Variants in PTPRD observed in about 807,000 individuals in gnomAD.
The protein encoded by PTPRD is protein tyrosine phosphatase receptor type D.
In PTPRD, 34 loss-of-function variants were observed where a neutral mutation model predicts 214.5. The ratio of observed to expected loss-of-function variants is 0.16; its 90% CI spans 0.12 to 0.21. PTPRD has a LOEUF of 0.21. PTPRD is among the 10% of genes least tolerant of loss of function. PTPRD has a pLI of 1.00. For synonymous variants in PTPRD, 1,128 were observed against 845.7 expected, an observed-to-expected ratio of 1.33 and a Z score of -5.79; for missense variants, 2,545 against 2,398.7, an observed-to-expected ratio of 1.06 and a Z score of -1.27.
chr9:8,498,310 T>C (rs547462825), intron 25 of PTPRD, among the ~76,000 whole-genome samples: 15 of 152,180 alleles, frequency 9.9e-5, no homozygotes, highest in Non-Finnish European at 1.6e-4. Context: ...GCAATCTTCC[T>C]CTGTTGCCAG....
At chr9:8,589,551 T>G (rs1434363035) in intron 14 of PTPRD, among the ~76,000 whole-genome samples, 1 of 152,220 alleles carries the variant, frequency 6.6e-6, no homozygotes, top group Non-Finnish European at 1.5e-5. Context: ...AACAAGATAC[T>G]ACTTGGAGTA....
At chr9:8,769,062 C>A (rs1037030077) in intron 11 of PTPRD, among the ~76,000 whole-genome samples, 19 of 152,018 alleles carry the variant, frequency 1.2e-4, no homozygotes, top group Non-Finnish European at 2.6e-4. Flanking sequence ...TAGCATAACG[C>A]CAACTTTTGT....
At chr9:8,827,533 G>A (rs2097200592) in intron 11 of PTPRD, among the ~76,000 whole-genome samples, 1 of 152,168 alleles carries the variant, frequency 6.6e-6, no homozygotes, top group African/African-American at 2.4e-5. Flanking sequence ...CTTGAACCCA[G>A]GAGGCAGAGG....
At chr9:8,548,564 C>T (rs563902848) in intron 14 of PTPRD, among the ~76,000 whole-genome samples, 3 of 150,388 alleles carry the variant, frequency 2.0e-5, no homozygotes, top group Non-Finnish European at 4.4e-5. Context: ...GATGGGGTTT[C>T]GCCATGTTGG....
intron 39 of PTPRD, among the ~76,000 whole-genome samples, chr9:8,342,993 G>A (rs1023316788): frequency 6.6e-6 from 1 of 152,044 alleles, no homozygotes; most frequent in Non-Finnish European, 1.5e-5. Flanking sequence ...GGCTCTGGGA[G>A]CTACATGTGA....
intron 3 of PTPRD, among the ~76,000 whole-genome samples, chr9:10,297,068 T>A (rs922487047): frequency 1.7e-4 from 26 of 149,276 alleles, no homozygotes; most frequent in African/African-American, 6.4e-4. Flanking sequence ...CCAGGGAACA[T>A]AGAGCACAAA....
intron 5 of PTPRD, among the ~76,000 whole-genome samples, chr9:9,787,318 G>A (rs377566633): frequency 2.0e-5 from 3 of 150,086 alleles, no homozygotes; most frequent in African/African-American, 7.4e-5. Flanking sequence ...CAAAATCTTT[G>A]TCAGCTTCCA....
chr9:9,337,155 G>A (rs973863312), intron 9 of PTPRD, among the ~76,000 whole-genome samples: 8 of 152,124 alleles, frequency 5.3e-5, no homozygotes, highest in African/African-American at 1.4e-4. Flanking sequence ...TTCTGAGAAA[G>A]AAACTATGAA....
intron 9 of PTPRD, among the ~76,000 whole-genome samples, chr9:9,193,465 C>A (rs965823458): frequency 1.3e-5 from 2 of 152,030 alleles, no homozygotes; most frequent in African/African-American, 4.8e-5. Context: ...TGTTGTCAAG[C>A]GATTTTTCAT....
chr9:8,931,344 A>G (rs922990119), intron 11 of PTPRD, among the ~76,000 whole-genome samples: 1 of 152,000 alleles, frequency 6.6e-6, no homozygotes, highest in African/African-American at 2.4e-5. Flanking sequence ...TACCAGTACC[A>G]TGCTGTTTTG....
chr9:9,972,795 C>T (rs1308920349), intron 4 of PTPRD, among the ~76,000 whole-genome samples: 2 of 152,112 alleles, frequency 1.3e-5, no homozygotes, highest in African/African-American at 4.8e-5. Flanking sequence ...CTAGCTTTTG[C>T]TTCCTTTCTC....
chr9:10,235,075 C>A (rs1343119728), intron 3 of PTPRD, among the ~76,000 whole-genome samples: 1 of 151,840 alleles, frequency 6.6e-6, no homozygotes, highest in Non-Finnish European at 1.5e-5. Context: ...TTAAGATCAT[C>A]AATCATTTTA....
chr9:10,354,541 A>G (rs1345759750), intron 2 of PTPRD, among the ~76,000 whole-genome samples: 1 of 152,166 alleles, frequency 6.6e-6, no homozygotes, highest in East Asian at 1.9e-4. Context: ...ATTTGCCCCT[A>G]GAGATTTTCC....
In PTPRD at chr9:9,709,309, T is replaced by C. The variant is rs371374421; in HGVS notation, c.-287+25224A>G. 1.1e-3 allele frequency among the ~76,000 whole-genome samples: 171 copies of C among 152,100 alleles called. 2 individuals are homozygous for C. The highest frequency in any genetic ancestry group is 4.0e-3 in the African/African-American group (165 of 41,578). ...AAATTAATTTTAATAAATGTTAAGA[T>C]ATCATCAACTAATATGACTTTCTAT... On this transcript the variant is annotated intron_variant, in intron 7 of 45. Coordinates refer to ENST00000381196, the MANE Select transcript of PTPRD (RefSeq NM_002839.4).
chr9:8,825,581 T>G (rs988241662), intron 11 of PTPRD, among the ~76,000 whole-genome samples: 2 of 152,174 alleles, frequency 1.3e-5, no homozygotes, highest in Non-Finnish European at 2.9e-5. Context: ...TAAGCAAAGT[T>G]TAAAAGAGAG....
chr9:10,183,314 G>A (rs2099311578), intron 3 of PTPRD, among the ~76,000 whole-genome samples: 3 of 152,130 alleles, frequency 2.0e-5, no homozygotes, highest in South Asian at 2.1e-4. Context: ...ATAATAATAA[G>A]AGTTGTATTG....
At chr9:9,801,229 A>C (rs767693407) in intron 5 of PTPRD, among the ~76,000 whole-genome samples, 14 of 152,142 alleles carry the variant, frequency 9.2e-5, no homozygotes, top group African/African-American at 3.4e-4. Context: ...CATAGAAAGG[A>C]AAATGCTTTC....
chr9:9,836,480 CCTGA>C (rs1231033685), intron 5 of PTPRD, among the ~76,000 whole-genome samples: 3 of 152,214 alleles, frequency 2.0e-5, no homozygotes, highest in Non-Finnish European at 4.4e-5. Flanking sequence ...CCAAATCTCG[CCTGA>C]CTACTACCAC....
At chr9:9,076,256 A>C (rs577470672) in intron 10 of PTPRD, among the ~76,000 whole-genome samples, 2 of 151,972 alleles carry the variant, frequency 1.3e-5, no homozygotes, top group African/African-American at 4.8e-5. Flanking sequence ...TTTTCTTGTA[A>C]ATTTGTTTAA....
Sources: gnomAD v4.1 joint callset for allele counts (sites outside exome capture counted in the v4.1 genomes callset) on GRCh38, gnomAD v4.1.1 for gene constraint, MANE v1.5 for transcripts, NCBI Gene and HGNC (gene_info 2026-07-23, HGNC 2026-07-21) for gene names.